Variants in TRPM6 observed in about 807,000 individuals in gnomAD.
TRPM6 encodes transient receptor potential cation channel subfamily M member 6, also known as channel kinase 2.
Under a neutral mutation model 247.6 loss-of-function variants are expected in TRPM6, and 111 were observed. That is an observed-to-expected ratio of 0.45 (90% CI 0.38 to 0.52). TRPM6 has a LOEUF of 0.52. Ranked by LOEUF, TRPM6 falls within the 20% of genes least tolerant of loss-of-function variation. TRPM6 has a pLI of 0.00. For missense variants in TRPM6, 2,126 were observed against 2,421.5 expected (o/e 0.88, Z 2.56); for synonymous variants, 892 against 853.8 (o/e 1.04, Z -0.78).
At chr9:74,812,500 G>A in intron 11 of TRPM6, 67 bp from the exon 12 acceptor site, 1 of 1,410,038 alleles carries the variant, frequency 7.1e-7, no homozygotes, top group Non-Finnish European at 9.8e-7. Context: ...AGAATTACAT[G>A]TTTTTGAACT....
At chr9:74,839,434 A>T (rs1055570428) in intron 5 of TRPM6, among the ~76,000 whole-genome samples, 2 of 151,082 alleles carry the variant, frequency 1.3e-5, no homozygotes, top group East Asian at 1.9e-4. Context: ...TCATGTAGTT[A>T]AAAAAAAAGT....
intron 1 of TRPM6, among the ~76,000 whole-genome samples, chr9:74,869,441 G>A (rs780317469): frequency 2.7e-5 from 4 of 147,842 alleles, no homozygotes; most frequent in African/African-American, 5.0e-5. Flanking sequence ...GCAACAGAGC[G>A]AGACTCCATC....
chr9:74,757,381 CAT>C (rs1376462497), intron 27 of TRPM6, among the ~76,000 whole-genome samples: 7 of 150,444 alleles, frequency 4.7e-5, no homozygotes, highest in Non-Finnish European at 8.9e-5. Flanking sequence ...GCCTGGCCAA[CAT>C]GTCGAAAACC....
chr9:74,786,480 C>G (rs1225132689), intron 20 of TRPM6, among the ~76,000 whole-genome samples: 1 of 152,198 alleles, frequency 6.6e-6, no homozygotes, highest in Non-Finnish European at 1.5e-5. Context: ...TGGCTCATGC[C>G]TGTAATCCCA....
At chr9:74,882,407 C>T (rs1255571541) in intron 1 of TRPM6, among the ~76,000 whole-genome samples, 1 of 152,100 alleles carries the variant, frequency 6.6e-6, no homozygotes, top group African/African-American at 2.4e-5. Flanking sequence ...AACAACTCAA[C>T]AGTAAACACA....
chr9:74,782,397 A>G lies in TRPM6; in HGVS notation c.3174T>C (p.Tyr1058=). 6.2e-7 allele frequency: 1 copy of G among 1,614,088 alleles called. No homozygotes were observed. The highest frequency in any genetic ancestry group is 8.5e-7 in the Non-Finnish European group (1 of 1,179,954). Residue 1058 remains tyrosine, a synonymous_variant, in exon 23 of 39, where the codon TAT becomes TAC. Transcript: ENST00000360774. ...CAATCAACAGGTTCACCATGATGAT[A>G]TATTGCACGAAGAGGTAGACAGCTT... ...FLQAVYLFVQ[Y]IIMVNLLIAF...
chr9:74,810,121 C>G (rs891787339), intron 13 of TRPM6, among the ~76,000 whole-genome samples: 3 of 151,890 alleles, frequency 2.0e-5, no homozygotes, highest in Admixed American at 2.0e-4. Flanking sequence ...AAAAATGTGC[C>G]TTGGATTTTA....
At chr9:74,887,512 G>A in intron 1 of TRPM6, 2 of 1,077,236 alleles carry the variant, frequency 1.9e-6, no homozygotes, top group Non-Finnish European at 2.7e-6. Flanking sequence ...GTTTCCCACC[G>A]CCCCGAGCTG....
chr9:74,762,904 A>C lies in TRPM6; in HGVS notation c.3767T>G (p.Val1256Gly). ...CKKLPHSWSN[V>G]ICAEVLGSME... ...GCTGCCTAGAACCTCTGCACAGATG[A>C]CATTGCTCCAGCTGTGGGGAAGTTT... Residue 1256 changes from valine (V) to glycine (G), a missense_variant, in exon 26 of 39, where the codon GTC becomes GGC. Transcript: ENST00000360774. The C allele has an allele frequency of 6.2e-7, 1 of 1,608,214 alleles. No individual in the cohort carries two copies. The highest frequency in any genetic ancestry group is 8.5e-7 in the Non-Finnish European group (1 of 1,176,038).
intron 17 of TRPM6, among the ~76,000 whole-genome samples, chr9:74,797,892 G>T (rs774517597): frequency 3.9e-5 from 6 of 151,968 alleles, no homozygotes; most frequent in African/African-American, 1.2e-4. Flanking sequence ...ATAAAATCAA[G>T]AATCTAAAAG....
chr9:74,757,553 G>C (rs1009295623), intron 27 of TRPM6, among the ~76,000 whole-genome samples: 2 of 124,240 alleles, frequency 1.6e-5, no homozygotes, highest in African/African-American at 6.2e-5. Context: ...GTGACAGAGA[G>C]AGACCCTGTC....
At chr9:74,887,548 G>A (rs1831577651) in intron 1 of TRPM6, 35 of 1,390,012 alleles carry the variant, frequency 2.5e-5, no homozygotes, top group Non-Finnish European at 3.0e-5. Flanking sequence ...CTAGGTTTCC[G>A]CTCTGACACC....
At chr9:74,810,492 C>A (rs903794037) in intron 13 of TRPM6, among the ~76,000 whole-genome samples, 1 of 152,208 alleles carries the variant, frequency 6.6e-6, no homozygotes. Context: ...TTATTTCCAG[C>A]TGGTATCATC....
chr9:74,790,790 T>C (rs893512729), intron 19 of TRPM6, among the ~76,000 whole-genome samples: 2 of 152,206 alleles, frequency 1.3e-5, no homozygotes, highest in African/African-American at 4.8e-5. Flanking sequence ...ACAAACATAT[T>C]CGATAAGTAG....
In TRPM6 at chr9:74,763,389, T is replaced by C. The variant is rs913290081; in HGVS notation, c.3537-255A>G. ...TACATTTCCAGCCCTTATTTCTTTT[T>C]AATATTTCAGAACCACATTTCCAGT... On this transcript the variant is annotated intron_variant, in intron 25 of 38. Transcript: ENST00000360774. 2.0e-5 allele frequency among the ~76,000 whole-genome samples: 3 copies of C among 152,214 alleles called. No homozygotes were observed. In the South Asian group the frequency reaches 6.2e-4, roughly 32 times the overall value.
intron 13 of TRPM6, among the ~76,000 whole-genome samples, chr9:74,808,785 A>G (rs1452724758): frequency 6.6e-6 from 1 of 152,248 alleles, no homozygotes; most frequent in African/African-American, 2.4e-5. Context: ...AATGAAAACA[A>G]GGAATATAGA....
In TRPM6 at chr9:74,870,940, A is replaced by C. The variant is rs573989200; in HGVS notation, c.34-12192T>G. On this transcript the variant is annotated intron_variant, in intron 1 of 38. Transcript: ENST00000360774. ...AGAGAGATACTCCGTCTCAAAAAAA[A>C]AGAAAAGAAAAGAAAAAGAAAAGAA... Among the ~76,000 whole-genome samples the C allele has an allele frequency of 3.3e-4, 51 of 152,284 alleles. 1 individual carries two copies. The highest frequency in any genetic ancestry group is 1.2e-3 in the African/African-American group (50 of 41,568).
At chr9:74,846,820 A>T (rs1355488124) in intron 3 of TRPM6, among the ~76,000 whole-genome samples, 1 of 152,160 alleles carries the variant, frequency 6.6e-6, no homozygotes. Flanking sequence ...ACGTGCTGGG[A>T]TTACAGTCGT....
intron 31 of TRPM6, among the ~76,000 whole-genome samples, chr9:74,747,357 A>G (rs1826084114): frequency 6.6e-6 from 1 of 152,238 alleles, no homozygotes; most frequent in Admixed American, 6.5e-5. Context: ...TGATGGAACA[A>G]GAACACAGAA....
Sources: allele counts gnomAD v4.1 joint callset (sites outside exome capture counted in the v4.1 genomes callset), GRCh38; gene constraint gnomAD v4.1.1; transcripts MANE v1.5; gene names NCBI Gene and HGNC (gene_info 2026-07-23, HGNC 2026-07-21).